Variants in ZNF652 observed in about 807,000 individuals in gnomAD.
ZNF652 encodes zinc finger protein 652.
A neutral mutation model predicts 45.2 loss-of-function variants in ZNF652; 16 were observed. The observed-to-expected ratio is 0.35, with a 90% CI of 0.24 to 0.54. The LOEUF is 0.54. Ranked by LOEUF, ZNF652 falls within the 20% of genes least tolerant of loss-of-function variation. The pLI is 0.91. For synonymous variants in ZNF652, 250 were observed against 260.6 expected, an observed-to-expected ratio of 0.96 and a Z score of 0.39; for missense variants, 614 against 765.6, an observed-to-expected ratio of 0.80 and a Z score of 2.34.
intron 1 of ZNF652, among the ~76,000 whole-genome samples, chr17:49,327,058 C>T (rs186206693): frequency 6.6e-6 from 1 of 152,132 alleles, no homozygotes; most frequent in Non-Finnish European, 1.5e-5. Flanking sequence ...AAAACTGAAA[C>T]GCTTGGTAAA....
At chr17:49,333,141 T>C (rs1049233723) in intron 1 of ZNF652, among the ~76,000 whole-genome samples, 12 of 151,512 alleles carry the variant, frequency 7.9e-5, no homozygotes, top group African/African-American at 2.9e-4. Context: ...CACTGCAAGC[T>C]CCGTCTCCTG....
At position 49,298,719 on chromosome 17, in the gene ZNF652, C is replaced by A. The variant is rs766002663; in HGVS notation, c.1515G>T (p.Gln505His). The A allele has an allele frequency of 2.5e-6, 4 of 1,613,998 alleles. No individual in the cohort carries two copies. In the East Asian group the frequency reaches 8.9e-5, roughly 36 times the overall value. ...TSPVNVPPAVQIPLTTSPATP... is the reference protein window; with the variant it reads ...TSPVNVPPAVHIPLTTSPATP... ...TGGCTGGGGAAGTTGTAAGTGGGATCTGGACAGCAGGTGGCACATTCACGG... is the reference window on the plus strand; with the variant it reads ...TGGCTGGGGAAGTTGTAAGTGGGATATGGACAGCAGGTGGCACATTCACGG... The change falls in exon 6 of 6, where the codon CAG becomes CAT. Residue 505 changes from glutamine (Q) to histidine (H), a missense_variant. Gln to His is a conservative substitution (Grantham distance 24). Transcript: ENST00000430262.
intron 1 of ZNF652, among the ~76,000 whole-genome samples, chr17:49,322,135 G>C (rs542176559): frequency 1.3e-5 from 2 of 152,236 alleles, no homozygotes; most frequent in Admixed American, 6.5e-5. Flanking sequence ...CAATAAAATA[G>C]CTTTTCTAAA....
At chr17:49,299,560 T>C (rs1048520804) in intron 5 of ZNF652, among the ~76,000 whole-genome samples, 47 of 152,068 alleles carry the variant, frequency 3.1e-4, no homozygotes, top group African/African-American at 9.9e-4. Flanking sequence ...TTTGTATTTT[T>C]AGTAGAAACG....
At chr17:49,320,497 T>C (rs965733140) in intron 1 of ZNF652, among the ~76,000 whole-genome samples, 2 of 152,234 alleles carry the variant, frequency 1.3e-5, no homozygotes, top group African/African-American at 2.4e-5. Flanking sequence ...CCAAAGCTCA[T>C]TGTCTATTTC....
intron 1 of ZNF652, among the ~76,000 whole-genome samples, chr17:49,339,546 A>C (rs375876122): frequency 1.4e-4 from 21 of 152,124 alleles, no homozygotes; most frequent in Admixed American, 7.2e-4. Context: ...GGAACTTCCA[A>C]GACAATCTGG....
chr17:49,352,275 G>A (rs887068257), intron 1 of ZNF652, among the ~76,000 whole-genome samples: 10 of 150,670 alleles, frequency 6.6e-5, no homozygotes, highest in East Asian at 3.9e-4. Context: ...CAAATCTCTC[G>A]TCTTCTTGCC....
chr17:49,343,072 G>A (rs2070166863), intron 1 of ZNF652, among the ~76,000 whole-genome samples: 1 of 151,812 alleles, frequency 6.6e-6, no homozygotes, highest in Admixed American at 6.6e-5. Context: ...AATAGAGATG[G>A]GATTTCACTA....
At chr17:49,335,609 C>A (rs1198567269) in intron 1 of ZNF652, among the ~76,000 whole-genome samples, 1 of 152,056 alleles carries the variant, frequency 6.6e-6, no homozygotes, top group Admixed American at 6.5e-5. Context: ...TGAGGTCATA[C>A]TTTATTTGTT....
chr17:49,344,710 G>A (rs539136986), intron 1 of ZNF652, among the ~76,000 whole-genome samples: 3 of 151,974 alleles, frequency 2.0e-5, no homozygotes, highest in Non-Finnish European at 2.9e-5. Flanking sequence ...TAACGGAGAC[G>A]GAGTTTCACT....
rs191113764 is a variant in ZNF652 at position 49,296,922 on chromosome 17, G to A, written c.*1491C>T. The A allele has an allele frequency of 5.3e-5, 8 of 152,238 alleles. No homozygotes were observed. The highest frequency in any genetic ancestry group is 7.4e-5 in the Non-Finnish European group (5 of 68,016). 9.4% of individuals were successfully genotyped at this position (152,238 alleles called of 1,614,324 possible). On this transcript the variant is annotated 3_prime_UTR_variant, in exon 6 of 6. Coordinates refer to ENST00000430262, the MANE Select transcript of ZNF652 (RefSeq NM_001145365.3). Reference sequence around the variant, plus strand: ...CTATAATAAGCTCCTGGTTGATTATGGTCTTTTGAAGTTCCCCAAACTTGA... The same window carrying A: ...CTATAATAAGCTCCTGGTTGATTATAGTCTTTTGAAGTTCCCCAAACTTGA...
At position 49,297,674 on chromosome 17, in the gene ZNF652, G is replaced by C. The variant is rs2069494323; in HGVS notation, c.*739C>G. 6.6e-6 allele frequency: 1 copy of C among 152,502 alleles called. No homozygotes were observed. Among genetic ancestry groups the C allele is most frequent in the African/African-American group, 2.4e-5 (1 of 41,388 alleles). 9.4% of individuals were successfully genotyped at this position (152,502 alleles called of 1,614,324 possible). A position where few individuals can be genotyped will look rare whatever the true frequency, so the allele number is the denominator to read the frequency against. ...GTTGTACGGATGTAAGAATAGCTTTGAATTATAGAAGTTATATGCATCTTT... is the reference window on the plus strand; with the variant it reads ...GTTGTACGGATGTAAGAATAGCTTTCAATTATAGAAGTTATATGCATCTTT... On this transcript the variant is annotated 3_prime_UTR_variant, in exon 6 of 6. Transcript: ENST00000430262.
intron 1 of ZNF652, among the ~76,000 whole-genome samples, chr17:49,326,849 G>A (rs1387527922): frequency 6.6e-6 from 1 of 152,180 alleles, no homozygotes; most frequent in Non-Finnish European, 1.5e-5. Flanking sequence ...ATCAAGAAGA[G>A]CAACGTCTGG....
At chr17:49,333,184 A>G (rs1046224072) in intron 1 of ZNF652, among the ~76,000 whole-genome samples, 2 of 150,976 alleles carry the variant, frequency 1.3e-5, no homozygotes, top group African/African-American at 4.9e-5. Flanking sequence ...CAGCCTCCCG[A>G]GTAGCTGGGA....
intron 1 of ZNF652, among the ~76,000 whole-genome samples, chr17:49,348,137 A>G (rs933350054): frequency 6.6e-6 from 1 of 152,170 alleles, no homozygotes; most frequent in African/African-American, 2.4e-5. Context: ...CCATGTGGAT[A>G]TAATTAGCAA....
At chr17:49,304,067 T>TA (rs2069593566) in intron 5 of ZNF652, among the ~76,000 whole-genome samples, 3 of 137,262 alleles carry the variant, frequency 2.2e-5, no homozygotes, top group Admixed American at 1.5e-4. Context: ...TTTTTTTTTT[T>TA]TTTTTTGTAT....
chr17:49,345,261 G>C (rs2070192733), intron 1 of ZNF652, among the ~76,000 whole-genome samples: 1 of 149,400 alleles, frequency 6.7e-6, no homozygotes, highest in Admixed American at 6.7e-5. Context: ...GGAGGGCAGT[G>C]GCGCAATCTC....
intron 1 of ZNF652, among the ~76,000 whole-genome samples, chr17:49,324,605 G>T (rs1399924996): frequency 2.0e-5 from 3 of 151,908 alleles, no homozygotes; most frequent in Non-Finnish European, 4.4e-5. Context: ...GGCCAGGCTG[G>T]TCTCGAACTC....
At chr17:49,307,012 C>T (rs931493556) in intron 5 of ZNF652, among the ~76,000 whole-genome samples, 2 of 152,066 alleles carry the variant, frequency 1.3e-5, no homozygotes, top group Non-Finnish European at 2.9e-5. Flanking sequence ...CTTGGCCTCC[C>T]GAAGTGCTGA....
Sources: gnomAD v4.1 joint callset for allele counts (sites outside exome capture counted in the v4.1 genomes callset) on GRCh38, gnomAD v4.1.1 for gene constraint, MANE v1.5 for transcripts, NCBI Gene and HGNC (gene_info 2026-07-23, HGNC 2026-07-21) for gene names.